ATP6V0A2: variants seen among roughly 807,000 people sequenced by gnomAD.
ATP6V0A2 encodes the protein V-type proton ATPase 116 kDa subunit a 2.
ATP6V0A2 carries 58 observed loss-of-function variants against 104.4 expected under a neutral mutation model. The observed-to-expected ratio is 0.56, with a 90% CI of 0.45 to 0.69. The LOEUF (loss-of-function observed/expected upper bound fraction) is 0.69. Among genes scored for constraint, ATP6V0A2 ranks in the 30% least tolerant of loss-of-function variants. ATP6V0A2 has a pLI of 0.00. For missense variants in ATP6V0A2, 938 were observed against 1,062.9 expected (o/e 0.88, Z 1.63); for synonymous variants, 376 against 397.9 (o/e 0.95, Z 0.65).
intron 17 of ATP6V0A2, among the ~76,000 whole-genome samples, chr12:123,752,952 C>CT (rs1003409459): frequency 1.3e-5 from 2 of 152,180 alleles, no homozygotes; most frequent in African/African-American, 2.4e-5. Context: ...TTTTTTCAGT[C>CT]TTTCCATTAG....
rs760292376 is a variant in ATP6V0A2 at position 123,751,160 on chromosome 12, C to G, written c.1986C>G (p.Val662=). The change falls in exon 16 of 20, where the codon GTC becomes GTG. Residue 662 remains valine (V), a synonymous_variant. Coordinates refer to ENST00000330342, the MANE Select transcript of ATP6V0A2 (RefSeq NM_012463.4). ...TTGTCACAGCATTGTCTGTCCCTGTCCTCTTCTTGGGAAAGCCACTGTTTT... is the reference window on the plus strand; with the variant it reads ...TTGTCACAGCATTGTCTGTCCCTGTGCTCTTCTTGGGAAAGCCACTGTTTT... ...LLVVTALSVP[V]LFLGKPLFLL... is the part of the protein sequence containing the mutation. The G allele has an allele frequency of 1.5e-5, 25 of 1,614,170 alleles. No individual in the cohort carries two copies. In the South Asian group the frequency reaches 2.4e-4, roughly 16 times the overall value.
intron 18 of ATP6V0A2, chr12:123,754,778 C>T: frequency 1.9e-6 from 1 of 525,524 alleles, no homozygotes; most frequent in South Asian, 2.6e-5. Context: ...CAGAGCCTGC[C>T]CAATTTAAAA....
intron 2 of ATP6V0A2, 56 bp from the exon 3 acceptor site, chr12:123,722,295 C>T: frequency 9.1e-7 from 1 of 1,103,858 alleles, no homozygotes; most frequent in Non-Finnish European, 1.4e-6. Context: ...ATGTTTCTGA[C>T]TGAAATGTAT....
chr12:123,733,603 A>G (rs539898111), intron 6 of ATP6V0A2: 4 of 366,896 alleles, frequency 1.1e-5, no homozygotes, highest in Non-Finnish European at 2.1e-5. Context: ...ATGATACCAA[A>G]CAGACTCTGA....
At chr12:123,739,403 A>G (rs1956586848) in intron 9 of ATP6V0A2, among the ~76,000 whole-genome samples, 1 of 152,116 alleles carries the variant, frequency 6.6e-6, no homozygotes, top group Admixed American at 6.5e-5. Flanking sequence ...CTGGCTCATC[A>G]CCTGCATTCC....
At chr12:123,743,106 C>T (rs948156498) in intron 9 of ATP6V0A2, among the ~76,000 whole-genome samples, 6 of 152,106 alleles carry the variant, frequency 3.9e-5, no homozygotes, top group African/African-American at 1.4e-4. Context: ...AGATAAAGTA[C>T]TCAGTGTCGG....
intron 14 of ATP6V0A2, 59 bp from the exon 15 acceptor site, chr12:123,748,516 A>T: frequency 7.8e-7 from 1 of 1,288,830 alleles, no homozygotes; most frequent in East Asian, 2.3e-5. Flanking sequence ...AGTTTAATTT[A>T]CTCTTTTTAA....
chr12:123,750,906 G>A, intron 15 of ATP6V0A2: 1 of 624,974 alleles, frequency 1.6e-6, no homozygotes. Context: ...TTTACCACAG[G>A]GTCATTAATG....
chr12:123,736,879 G>A (rs542788100), intron 8 of ATP6V0A2, among the ~76,000 whole-genome samples, 180 bp from the exon 9 acceptor site: 2 of 152,130 alleles, frequency 1.3e-5, no homozygotes, highest in African/African-American at 2.4e-5. Context: ...GCCCACCTCC[G>A]AGTGGTACTA....
At chr12:123,757,781 T>G (rs1956778481) in intron 19 of ATP6V0A2, 146 bp from the exon 20 acceptor site, 2 of 630,196 alleles carry the variant, frequency 3.2e-6, no homozygotes, top group East Asian at 2.8e-5. Flanking sequence ...GGGCAGTGTT[T>G]AGCTAAGTAA....
At position 123,744,832 on chromosome 12, in the gene ATP6V0A2, T is replaced by C; in HGVS notation, c.1514+48T>C. 1 of 1,614,086 alleles carries C rather than the reference T, an allele frequency of 6.2e-7. No homozygotes were observed. The highest frequency in any genetic ancestry group is 8.5e-7 in the Non-Finnish European group (1 of 1,179,912). On this transcript the variant is annotated intron_variant, in intron 12 of 19. Coordinates refer to ENST00000330342, the MANE Select transcript of ATP6V0A2 (RefSeq NM_012463.4). The surrounding 1 kb of genome is among the most constrained non-coding windows in gnomAD (Gnocchi z 5.4). ...TGCTCTGGGTGGAAAGCATGTTTCCTAGACCTTCCTCCTCCCAGGTCAGCC... is the reference window on the plus strand; with the variant it reads ...TGCTCTGGGTGGAAAGCATGTTTCCCAGACCTTCCTCCTCCCAGGTCAGCC...
At chr12:123,727,937 G>C in intron 6 of ATP6V0A2, 28 bp downstream of exon 6, 1 of 1,614,090 alleles carries the variant, frequency 6.2e-7, no homozygotes, top group Non-Finnish European at 8.5e-7. Flanking sequence ...TCACCTTTTA[G>C]CAATGACGGA....
intron 9 of ATP6V0A2, among the ~76,000 whole-genome samples, chr12:123,738,743 A>G (rs1956580668): frequency 6.6e-6 from 1 of 152,220 alleles, no homozygotes. Flanking sequence ...TTTCTTCTAC[A>G]TTAAACTCAG....
chr12:123,754,893 T>C (rs76046907), intron 18 of ATP6V0A2: 1 of 311,024 alleles, frequency 3.2e-6, no homozygotes, highest in African/African-American at 2.1e-5. Context: ...TAGTAGTTAT[T>C]TCATTCACTG....
chr12:123,755,954 G>A (rs545778625), intron 18 of ATP6V0A2, among the ~76,000 whole-genome samples: 7 of 151,418 alleles, frequency 4.6e-5, no homozygotes, highest in South Asian at 2.1e-4. Context: ...GGTGGCGGGC[G>A]CCTGTAGTCC....
chr12:123,736,439 G>T (rs774252786), intron 8 of ATP6V0A2, among the ~76,000 whole-genome samples: 2 of 151,308 alleles, frequency 1.3e-5, no homozygotes, highest in African/African-American at 4.9e-5. Context: ...TGATCCACCC[G>T]CCTCGGCCTC....
intron 15 of ATP6V0A2, 80 bp from the exon 16 acceptor site, chr12:123,751,030 T>C (rs1283575132): frequency 1.3e-6 from 2 of 1,586,082 alleles, no homozygotes; most frequent in Non-Finnish European, 1.7e-6. Flanking sequence ...GTTCGATCTT[T>C]CCTGATTTCA....
chr12:123,733,451 G>T (rs1053948352), intron 6 of ATP6V0A2: 1 of 155,968 alleles, frequency 6.4e-6, no homozygotes, highest in Non-Finnish European at 1.4e-5. Context: ...GAGCCCGAAC[G>T]AAGTGTCCCT....
Position 123,747,675 on chromosome 12 carries a change from A to G in ATP6V0A2, c.1674A>G (p.Leu558=), listed in dbSNP as rs1956675047. The part of the protein sequence containing the change: ...NSFKMKMSVI[L]GIIHMTFGVI... ...TCAAAATGAAAATGTCCGTGATTTT[A>G]GGAATCATTCATATGACTTTTGGAG... is the stretch of plus-strand genomic sequence containing the variant. The change falls in exon 14 of 20, where the codon TTA becomes TTG. Residue 558 remains leucine, a synonymous_variant. Transcript: ENST00000330342. The G allele has an allele frequency of 1.1e-5, 17 of 1,613,524 alleles. No homozygotes were observed. Among genetic ancestry groups the G allele is most frequent in the Non-Finnish European group, 1.4e-5 (16 of 1,179,528 alleles).
Sources: allele counts gnomAD v4.1 joint callset (sites outside exome capture counted in the v4.1 genomes callset), GRCh38; gene constraint gnomAD v4.1.1; non-coding constraint Gnocchi (gnomAD v3.1); transcripts MANE v1.5; gene names NCBI Gene and HGNC (gene_info 2026-07-23, HGNC 2026-07-21).